The following INPP4B variants were observed in gnomAD, a reference collection of about 807,000 sequenced individuals.
The protein encoded by INPP4B is inositol polyphosphate 4-phosphatase type II.
INPP4B carries 55 observed loss-of-function variants against 122.5 expected under a neutral mutation model. That is an observed-to-expected ratio of 0.45 (90% CI 0.36 to 0.56). The LOEUF (loss-of-function observed/expected upper bound fraction) is 0.56. INPP4B is among the 20% of genes least tolerant of loss of function. The pLI is 0.00. For missense variants in INPP4B, 1,000 were observed against 1,097.7 expected (o/e 0.91, Z 1.26); for synonymous variants, 403 against 388.7 (o/e 1.04, Z -0.43).
chr4:142,531,271 TA>T (rs35095255), intron 2 of INPP4B, among the ~76,000 whole-genome samples: 5 of 149,312 alleles, frequency 3.3e-5, no homozygotes, highest in Non-Finnish European at 4.5e-5. Context: ...AAGAGATGAT[TA>T]AAAAAAAAGA....
intron 1 of INPP4B, among the ~76,000 whole-genome samples, chr4:142,829,450 C>T (rs1284221151): frequency 2.6e-5 from 4 of 152,240 alleles, no homozygotes; most frequent in South Asian, 2.1e-4. Context: ...GCTCCCTCTA[C>T]GTGGACCTGC....
chr4:142,784,408 T>TA (rs772362201), intron 1 of INPP4B, among the ~76,000 whole-genome samples: 1 of 133,374 alleles, frequency 7.5e-6, no homozygotes, highest in African/African-American at 2.6e-5. Context: ...AATAAATAAA[T>TA]AAAAATTAAA....
chr4:142,108,710 C>T (rs776821024), intron 22 of INPP4B, among the ~76,000 whole-genome samples: 1 of 152,136 alleles, frequency 6.6e-6, no homozygotes, highest in Non-Finnish European at 1.5e-5. Context: ...TTTCTGCCGA[C>T]ATTTTTTTCG....
intron 12 of INPP4B, among the ~76,000 whole-genome samples, chr4:142,227,834 G>A (rs1852219925): frequency 7.3e-6 from 1 of 137,404 alleles, no homozygotes; most frequent in Non-Finnish European, 1.5e-5. Flanking sequence ...CTCCAGCCTG[G>A]GCAACAGAGG....
chr4:142,300,724 T>C (rs1458491621), intron 9 of INPP4B, among the ~76,000 whole-genome samples: 1 of 152,186 alleles, frequency 6.6e-6, no homozygotes, highest in Non-Finnish European at 1.5e-5. Flanking sequence ...TGTTTTTCTT[T>C]CATAGCATCT....
At chr4:142,337,489 T>C (rs867694661) in intron 7 of INPP4B, among the ~76,000 whole-genome samples, 9 of 151,730 alleles carry the variant, frequency 5.9e-5, no homozygotes, top group Non-Finnish European at 1.3e-4. Flanking sequence ...TTACCAACCA[T>C]TGATATGTAA....
intron 2 of INPP4B, among the ~76,000 whole-genome samples, chr4:142,576,821 C>G (rs1392000176): frequency 1.3e-5 from 2 of 152,118 alleles, no homozygotes; most frequent in South Asian, 2.1e-4. Flanking sequence ...AACAAACCTT[C>G]TAGATATCCA....
chr4:142,721,349 G>C (rs1162513217), intron 2 of INPP4B, among the ~76,000 whole-genome samples: 1 of 152,128 alleles, frequency 6.6e-6, no homozygotes, highest in African/African-American at 2.4e-5. Context: ...CAGAGTATAT[G>C]CTCTTGCACA....
intron 16 of INPP4B, among the ~76,000 whole-genome samples, chr4:142,165,679 T>A (rs1822367624): frequency 6.6e-6 from 1 of 151,746 alleles, no homozygotes; most frequent in African/African-American, 2.4e-5. Context: ...ATGTATCTAA[T>A]CCTTCCTCAT....
At chr4:142,121,543 G>T (rs1287977220) in intron 21 of INPP4B, among the ~76,000 whole-genome samples, 1 of 151,930 alleles carries the variant, frequency 6.6e-6, no homozygotes, top group Non-Finnish European at 1.5e-5. Flanking sequence ...TCTATTGGAG[G>T]TCTGTTCTAC....
chr4:142,213,294 C>T (rs2149586418), intron 12 of INPP4B, among the ~76,000 whole-genome samples: 1 of 152,244 alleles, frequency 6.6e-6, no homozygotes, highest in Non-Finnish European at 1.5e-5. Flanking sequence ...CTCTATCGTA[C>T]CCCGGAGGAA....
intron 15 of INPP4B, among the ~76,000 whole-genome samples, chr4:142,178,360 T>C (rs1829283022): frequency 6.6e-6 from 1 of 152,206 alleles, no homozygotes; most frequent in Non-Finnish European, 1.5e-5. Flanking sequence ...CGTATCTCTA[T>C]ACTTAAACTT....
intron 25 of INPP4B, among the ~76,000 whole-genome samples, chr4:142,046,538 T>G (rs765429092): frequency 1.3e-5 from 2 of 152,038 alleles, no homozygotes; most frequent in Middle Eastern, 3.4e-3. Flanking sequence ...ACAAAGGTAT[T>G]AGGAAAAACT....
chr4:142,070,267 C>A (rs1424643538), intron 25 of INPP4B, among the ~76,000 whole-genome samples: 3 of 152,056 alleles, frequency 2.0e-5, no homozygotes, highest in Non-Finnish European at 4.4e-5. Context: ...GCATAAAATG[C>A]CTTCGACAAA....
chr4:142,229,763 T>C (rs1214377573), intron 12 of INPP4B, among the ~76,000 whole-genome samples: 1 of 152,194 alleles, frequency 6.6e-6, no homozygotes, highest in East Asian at 1.9e-4. Flanking sequence ...CAAATAATAC[T>C]ACAAGGAATC....
chr4:142,655,664 T>C (rs565754720), intron 2 of INPP4B, among the ~76,000 whole-genome samples: 5 of 152,278 alleles, frequency 3.3e-5, no homozygotes, highest in African/African-American at 7.2e-5. Flanking sequence ...TATCTGAGTA[T>C]AAAAAAATTG....
At chr4:142,827,932 A>C (rs1240946345) in intron 1 of INPP4B, among the ~76,000 whole-genome samples, 1 of 152,118 alleles carries the variant, frequency 6.6e-6, no homozygotes, top group African/African-American at 2.4e-5. Flanking sequence ...ATGAATTTGT[A>C]AGTGTAAGGT....
chr4:142,541,116 A>T (rs1828895395), intron 2 of INPP4B, among the ~76,000 whole-genome samples: 1 of 152,252 alleles, frequency 6.6e-6, no homozygotes, highest in Non-Finnish European at 1.5e-5. Context: ...ACAAGTATCA[A>T]TAACTAATAT....
At chr4:142,193,341 G>C (rs2149361699) in intron 14 of INPP4B, 146 bp from the exon 15 acceptor site, 1 of 563,958 alleles carries the variant, frequency 1.8e-6, no homozygotes, top group Admixed American at 3.0e-5. Flanking sequence ...ACATCTCAAG[G>C]GGGAAAGAGG....
Sources: allele counts gnomAD v4.1 joint callset (sites outside exome capture counted in the v4.1 genomes callset), GRCh38; gene constraint gnomAD v4.1.1; transcripts MANE v1.5; gene names NCBI Gene and HGNC (gene_info 2026-07-23, HGNC 2026-07-21).